NRXN1: variants seen among roughly 807,000 people sequenced by gnomAD.
NRXN1 encodes neurexin-1.
A neutral mutation model predicts 150.9 loss-of-function variants in NRXN1; 39 were observed. That is an observed-to-expected ratio of 0.26 (90% CI 0.20 to 0.34). The LOEUF (loss-of-function observed/expected upper bound fraction) is 0.34. Among genes scored for constraint, NRXN1 ranks in the 10% least tolerant of loss-of-function variants. The pLI is 1.00. For missense variants in NRXN1, 1,815 were observed against 1,949.9 expected, an observed-to-expected ratio of 0.93 and a Z score of 1.30; for synonymous variants, 924 against 757.0, an observed-to-expected ratio of 1.22 and a Z score of -3.62.
At chr2:50,372,134 C>T (rs2080074580) in intron 17 of NRXN1, among the ~76,000 whole-genome samples, 1 of 152,074 alleles carries the variant, frequency 6.6e-6, no homozygotes, top group South Asian at 2.1e-4. Flanking sequence ...CAAGATCCCT[C>T]AGTATTCTAG....
chr2:50,713,026 A>G (rs1695385962), intron 5 of NRXN1, among the ~76,000 whole-genome samples: 2 of 152,114 alleles, frequency 1.3e-5, no homozygotes, highest in Non-Finnish European at 2.9e-5. Flanking sequence ...TATTAAATTT[A>G]AAATAGCTGA....
At chr2:50,476,363 A>C (rs1461529050) in intron 15 of NRXN1, among the ~76,000 whole-genome samples, 3 of 152,172 alleles carry the variant, frequency 2.0e-5, no homozygotes, top group Non-Finnish European at 4.4e-5. Context: ...CTCTGTCTAC[A>C]AACCCTGGCT....
At chr2:50,417,440 A>T (rs1349214436) in intron 17 of NRXN1, among the ~76,000 whole-genome samples, 1 of 152,044 alleles carries the variant, frequency 6.6e-6, no homozygotes. Flanking sequence ...AGAAGACTAA[A>T]ATTTCTCTGA....
chr2:50,271,243 G>T (rs1173907567), intron 17 of NRXN1, among the ~76,000 whole-genome samples: 1 of 152,070 alleles, frequency 6.6e-6, no homozygotes, highest in Non-Finnish European at 1.5e-5. Flanking sequence ...ATTGAACTTA[G>T]CTACCAATAA....
chr2:50,161,045 C>A (rs748030386), intron 18 of NRXN1, among the ~76,000 whole-genome samples: 1 of 151,992 alleles, frequency 6.6e-6, no homozygotes, highest in Non-Finnish European at 1.5e-5. Flanking sequence ...TTTAGGGGAA[C>A]AATTATATTT....
intron 22 of NRXN1, among the ~76,000 whole-genome samples, chr2:49,925,281 CAAAAAAA>C (rs772838099): frequency 3.7e-5 from 3 of 80,992 alleles, no homozygotes; most frequent in Non-Finnish European, 7.8e-5. Context: ...CTGCCTCAAC[CAAAAAAA>C]AAAAAAAAAA....
intron 18 of NRXN1, among the ~76,000 whole-genome samples, chr2:50,150,023 C>T (rs993028352): frequency 1.3e-5 from 2 of 151,656 alleles, no homozygotes; most frequent in Non-Finnish European, 3.0e-5. Context: ...AAGACTTGCA[C>T]TCTTTATATT....
chr2:50,162,378 T>C lies in NRXN1; in HGVS notation c.3547-70884A>G, dbSNP rs141843539. ...CTGCAATCTCCTAAATGTAAAACTC[T>C]GCCTATAAACATTGTCAGGGTAAAA... On this transcript the variant is annotated intron_variant, in intron 18 of 22. Coordinates refer to ENST00000401669, the MANE Select transcript of NRXN1 (RefSeq NM_001330078.2). Among the ~76,000 whole-genome samples, 978 of 152,286 alleles carry C rather than the reference T, an allele frequency of 6.4e-3. 11 individuals carry two copies. Among genetic ancestry groups the C allele is most frequent in the African/African-American group, 0.023 (951 of 41,564 alleles).
intron 18 of NRXN1, among the ~76,000 whole-genome samples, chr2:50,158,513 G>A (rs1343117945): frequency 6.6e-6 from 1 of 151,942 alleles, no homozygotes; most frequent in Non-Finnish European, 1.5e-5. Flanking sequence ...TTATCCCAAT[G>A]TTAATGTCCT....
chr2:50,607,715 T>G (rs1677361391), intron 8 of NRXN1, among the ~76,000 whole-genome samples: 1 of 151,498 alleles, frequency 6.6e-6, no homozygotes. Flanking sequence ...TGAAAAATTT[T>G]TGCTATGAAA....
chr2:50,540,464 A>G (rs1031482278), intron 9 of NRXN1, among the ~76,000 whole-genome samples: 1 of 152,128 alleles, frequency 6.6e-6, no homozygotes, highest in African/African-American at 2.4e-5. Context: ...ATTTTAAAGC[A>G]TCATTTTTTA....
chr2:50,458,828 C>T lies in NRXN1; in HGVS notation c.3364+6614G>A, dbSNP rs910104975. Among the ~76,000 whole-genome samples, 16 of 152,208 alleles carry T rather than the reference C, an allele frequency of 1.1e-4. No individual in the cohort carries two copies. The South Asian group carries it at 3.1e-3, about 30-fold the overall frequency. On this transcript the variant is annotated intron_variant, in intron 17 of 22. Transcript: ENST00000401669. Reference sequence around the variant, plus strand: ...AACTCCTAATCTTGTGATCCATCTGCCTCAGCTTCCCAAAGTGCTGGGATT... The same window carrying T: ...AACTCCTAATCTTGTGATCCATCTGTCTCAGCTTCCCAAAGTGCTGGGATT...
At chr2:50,228,803 T>C (rs899941937) in intron 18 of NRXN1, among the ~76,000 whole-genome samples, 4 of 151,862 alleles carry the variant, frequency 2.6e-5, no homozygotes, top group Non-Finnish European at 5.9e-5. Flanking sequence ...CATTAAAGCA[T>C]TTACTTAGAA....
intron 17 of NRXN1, among the ~76,000 whole-genome samples, chr2:50,325,353 T>C (rs887406134): frequency 1.1e-4 from 17 of 152,102 alleles, no homozygotes; most frequent in African/African-American, 3.9e-4. Flanking sequence ...AAGATATGAA[T>C]AGAGGGAGAA....
At chr2:50,271,959 AG>A (rs2069728800) in intron 17 of NRXN1, among the ~76,000 whole-genome samples, 1 of 152,156 alleles carries the variant, frequency 6.6e-6, no homozygotes, top group African/African-American at 2.4e-5. Flanking sequence ...GCCACCCGAG[AG>A]GTAATGGACT....
chr2:50,005,971 G>A (rs114626712), intron 21 of NRXN1, among the ~76,000 whole-genome samples: 324 of 152,160 alleles, frequency 2.1e-3, no homozygotes, highest in African/African-American at 7.5e-3. Context: ...ACTTGCCACC[G>A]GTGTCCGTGC....
chr2:49,953,761 G>C (rs1674412633), intron 21 of NRXN1, among the ~76,000 whole-genome samples: 1 of 151,972 alleles, frequency 6.6e-6, no homozygotes. Context: ...ATTTTGGAAA[G>C]TGTAAAAGTG....
At chr2:50,713,997 A>G (rs1282045368) in intron 5 of NRXN1, among the ~76,000 whole-genome samples, 1 of 152,204 alleles carries the variant, frequency 6.6e-6, no homozygotes, top group Non-Finnish European at 1.5e-5. Context: ...AGGAACAGAG[A>G]GATAAGCAAG....
chr2:50,169,523 G>C (rs887955014), intron 18 of NRXN1, among the ~76,000 whole-genome samples: 1 of 152,026 alleles, frequency 6.6e-6, no homozygotes, highest in East Asian at 1.9e-4. Context: ...GACCAGTCTG[G>C]CCAACACAGT....
Sources: allele counts gnomAD v4.1 joint callset (sites outside exome capture counted in the v4.1 genomes callset), GRCh38; gene constraint gnomAD v4.1.1; transcripts MANE v1.5; gene names NCBI Gene and HGNC (gene_info 2026-07-23, HGNC 2026-07-21).